Variants in RREB1 observed in about 807,000 individuals in gnomAD.
RREB1 encodes ras responsive element binding protein 1.
A neutral mutation model predicts 117.8 loss-of-function variants in RREB1; 27 were observed. That is an observed-to-expected ratio of 0.23 (90% CI 0.17 to 0.32). The LOEUF is 0.32. RREB1 is among the 10% of genes least tolerant of loss of function. The pLI, the probability that RREB1 is intolerant of heterozygous loss-of-function variation, is 1.00. For synonymous variants in RREB1, 1,298 were observed against 1,026.7 expected (o/e 1.26, Z -5.05); for missense variants, 2,577 against 2,378.2 (o/e 1.08, Z -1.74).
intron 10 of RREB1, among the ~76,000 whole-genome samples, chr6:7,238,605 T>A (rs1295177771): frequency 1.3e-5 from 2 of 152,140 alleles, no homozygotes; most frequent in African/African-American, 2.4e-5. Context: ...CTTTTTTTTT[T>A]TAATGTGGAT....
chr6:7,110,317 A>C (rs1761074145), intron 1 of RREB1, among the ~76,000 whole-genome samples: 1 of 152,246 alleles, frequency 6.6e-6, no homozygotes, highest in Admixed American at 6.5e-5. Flanking sequence ...TTCAACCCGG[A>C]AGTCTGAGTT....
intron 1 of RREB1, among the ~76,000 whole-genome samples, chr6:7,132,672 G>A (rs1762200536): frequency 1.3e-5 from 2 of 152,134 alleles, no homozygotes; most frequent in Admixed American, 1.3e-4. Flanking sequence ...AACAGCTTTT[G>A]CTCTTCACAC....
At chr6:7,169,731 T>C (rs1764121518) in intron 1 of RREB1, among the ~76,000 whole-genome samples, 2 of 152,214 alleles carry the variant, frequency 1.3e-5, no homozygotes, top group Non-Finnish European at 2.9e-5. Flanking sequence ...GGAAAGCTTA[T>C]CACTGGGACT....
intron 8 of RREB1, among the ~76,000 whole-genome samples, chr6:7,220,573 G>A (rs2113057852): frequency 6.6e-6 from 1 of 152,332 alleles, no homozygotes; most frequent in African/African-American, 2.4e-5. Flanking sequence ...TGACAGCAAA[G>A]TTAGTTTCCA....
chr6:7,186,422 G>A (rs565470581), intron 4 of RREB1, among the ~76,000 whole-genome samples: 5 of 152,304 alleles, frequency 3.3e-5, no homozygotes, highest in South Asian at 2.1e-4. Context: ...GATGTGGCAC[G>A]TCCAGAATCT....
At chr6:7,122,237 C>T (rs1761711851) in intron 1 of RREB1, among the ~76,000 whole-genome samples, 2 of 152,116 alleles carry the variant, frequency 1.3e-5, no homozygotes, top group Admixed American at 6.6e-5. Flanking sequence ...CTGAGGAGAA[C>T]GTGAATTTCC....
chr6:7,157,027 C>T (rs1763400075), intron 1 of RREB1, among the ~76,000 whole-genome samples: 1 of 152,222 alleles, frequency 6.6e-6, no homozygotes, highest in Admixed American at 6.5e-5. Context: ...GGCTGCCTTG[C>T]CCCAGCTCCC....
intron 1 of RREB1, among the ~76,000 whole-genome samples, chr6:7,119,063 A>G (rs1449685068): frequency 6.6e-6 from 1 of 152,056 alleles, no homozygotes; most frequent in Admixed American, 6.6e-5. Context: ...GGTATGGGAA[A>G]GATAGTTGAA....
intron 1 of RREB1, among the ~76,000 whole-genome samples, chr6:7,133,729 G>A (rs764905634): frequency 6.6e-6 from 1 of 151,898 alleles, no homozygotes; most frequent in East Asian, 1.9e-4. Flanking sequence ...CATAATAGAA[G>A]AATTATAAAT....
chr6:7,203,388 T>C (rs1393892637), intron 6 of RREB1, among the ~76,000 whole-genome samples: 2 of 152,212 alleles, frequency 1.3e-5, no homozygotes, highest in Admixed American at 6.5e-5. Context: ...CCTTCAGGCA[T>C]TATAATTCTA....
intron 2 of RREB1, among the ~76,000 whole-genome samples, chr6:7,178,777 G>A (rs1031736026): frequency 2.4e-4 from 36 of 152,080 alleles, no homozygotes; most frequent in African/African-American, 7.7e-4. Context: ...ACTTAAAATA[G>A]GAAAAGGAAG....
Position 7,145,162 on chromosome 6 carries a change from C to T in RREB1, c.-284-31493C>T, listed in dbSNP as rs569991094. Among the ~76,000 whole-genome samples the T allele has an allele frequency of 3.0e-4, 45 of 152,268 alleles. No individual in the cohort carries two copies. The South Asian group carries it at 4.1e-3, about 14-fold the overall frequency. On this transcript the variant is annotated intron_variant, in intron 1 of 12. Coordinates refer to ENST00000379938, the MANE Select transcript of RREB1 (RefSeq NM_001003699.4). Reference sequence around the variant, plus strand: ...CATAAACAACAAGTTAGAGGGAAAACGAGCTTGTGTGTTAGTGCTTCCAAG... The same window carrying T: ...CATAAACAACAAGTTAGAGGGAAAATGAGCTTGTGTGTTAGTGCTTCCAAG...
chr6:7,225,075 G>A (rs566080393), intron 8 of RREB1, among the ~76,000 whole-genome samples: 4 of 152,296 alleles, frequency 2.6e-5, no homozygotes, highest in East Asian at 1.9e-4. Flanking sequence ...CAGCTGCTTC[G>A]TGGCTGACTT....
In RREB1 at chr6:7,226,453, CT is replaced by C; in HGVS notation, c.708-11del. 6.3e-7 allele frequency: 1 copy of C among 1,598,206 alleles called. No individual in the cohort carries two copies. Among genetic ancestry groups the C allele is most frequent in the Non-Finnish European group, 8.5e-7 (1 of 1,170,310 alleles). ...TCCCTTTCTGCCTCATATGTTCTCC[CT>C]TTCCTCTCCTAGATGTGACATTTGT... On this transcript the variant is annotated splice_polypyrimidine_tract_variant and intron_variant, in intron 8 of 12. Transcript: ENST00000379938.
intron 1 of RREB1, among the ~76,000 whole-genome samples, chr6:7,113,704 C>A (rs1160844479): frequency 2.0e-5 from 3 of 152,148 alleles, no homozygotes; most frequent in Admixed American, 6.5e-5. Context: ...ATATATACTG[C>A]CTATTTATCT....
In RREB1 at chr6:7,173,805, G is replaced by GA. The variant is rs987230824; in HGVS notation, c.-284-2842dup. ...ACAGAAAAAAAAAAAGGGAAAGAAA[G>GA]AAAAAAAAGGAAAGAAACCCTCGGG... On this transcript the variant is annotated intron_variant, in intron 1 of 12. Transcript: ENST00000379938. 2.0e-5 allele frequency among the ~76,000 whole-genome samples: 3 copies of GA among 151,704 alleles called. No individual in the cohort carries two copies. In the East Asian group the frequency reaches 5.8e-4, roughly 29 times the overall value.
At chr6:7,149,973 G>A (rs1763041737) in intron 1 of RREB1, among the ~76,000 whole-genome samples, 1 of 149,870 alleles carries the variant, frequency 6.7e-6, no homozygotes, top group Admixed American at 6.6e-5. Context: ...ATAGGCGTGG[G>A]CCACTGCGCC....
chr6:7,239,586 T>C (rs1768560973), intron 10 of RREB1, among the ~76,000 whole-genome samples: 1 of 152,222 alleles, frequency 6.6e-6, no homozygotes, highest in Non-Finnish European at 1.5e-5. Context: ...GAGGGGACTG[T>C]GCCTCTCTCA....
chr6:7,178,328 A>G (rs1397633939), intron 2 of RREB1, among the ~76,000 whole-genome samples: 1 of 152,176 alleles, frequency 6.6e-6, no homozygotes, highest in Non-Finnish European at 1.5e-5. Flanking sequence ...ATTCCCCGAG[A>G]TTGAGTATCA....
Sources: allele counts gnomAD v4.1 joint callset (sites outside exome capture counted in the v4.1 genomes callset), GRCh38; gene constraint gnomAD v4.1.1; transcripts MANE v1.5; gene names NCBI Gene and HGNC (gene_info 2026-07-23, HGNC 2026-07-21).